Variants in DOCK10 observed in about 807,000 individuals in gnomAD.
DOCK10 encodes dedicator of cytokinesis protein 10.
In DOCK10, 145 loss-of-function variants were observed where a neutral mutation model predicts 280.1. The observed-to-expected ratio is 0.52, with a 90% CI of 0.45 to 0.59. The LOEUF is 0.59. Ranked by LOEUF, DOCK10 falls within the 20% of genes least tolerant of loss-of-function variation. The probability of loss-of-function intolerance (pLI) is 0.00; values close to 1 mark genes in which losing one functional copy is unlikely to be tolerated. For synonymous variants in DOCK10, 915 were observed against 942.2 expected (o/e 0.97, Z 0.53); for missense variants, 2,368 against 2,651.7 (o/e 0.89, Z 2.35).
chr2:224,953,647 C>T (rs978044389), intron 1 of DOCK10, among the ~76,000 whole-genome samples: 17 of 152,236 alleles, frequency 1.1e-4, no homozygotes, highest in African/African-American at 3.4e-4. Flanking sequence ...TATTTCTAAA[C>T]GTACAGTTTT....
At chr2:224,827,999 A>C (rs566747757) in intron 27 of DOCK10, among the ~76,000 whole-genome samples, 84 of 152,196 alleles carry the variant, frequency 5.5e-4, no homozygotes, top group African/African-American at 2.0e-3. Context: ...CCTCCCTATT[A>C]AGTGTCAGCA....
chr2:225,019,206 C>G (rs1689718429), intron 1 of DOCK10, among the ~76,000 whole-genome samples: 1 of 151,978 alleles, frequency 6.6e-6, no homozygotes, highest in African/African-American at 2.4e-5. Flanking sequence ...CTGTGCGTAG[C>G]CCCCCACATC....
rs568231768 is a variant in DOCK10 at position 224,830,577 on chromosome 2, C to T, written c.3000G>A (p.Ser1000=). 1.8e-5 allele frequency: 28 copies of T among 1,533,240 alleles called. No individual in the cohort carries two copies. Among genetic ancestry groups the T allele is most frequent in the Middle Eastern group, 1.7e-4 (1 of 5,790 alleles). 95.0% of individuals were successfully genotyped at this position (1,533,240 alleles called of 1,614,324 possible). The change falls in exon 27 of 56, where the codon TCG becomes TCA. Residue 1000 remains serine, a synonymous_variant. Coordinates refer to ENST00000258390, the MANE Select transcript of DOCK10 (RefSeq NM_014689.3). ...SWFFFAIILK[S]MAQHLIDTNK... is the part of the protein sequence containing the mutation. The stretch of plus-strand genomic sequence containing the variant: ...TTGTGTCAATCAAGTGCTGTGCCAT[C>T]GATTTTAGGATAATTGCAAAGAAGA...
At chr2:224,882,418 G>C (rs1044564141) in intron 7 of DOCK10, among the ~76,000 whole-genome samples, 2 of 152,098 alleles carry the variant, frequency 1.3e-5, no homozygotes, top group Non-Finnish European at 2.9e-5. Flanking sequence ...GTTTTGTTTT[G>C]TGTTTTTTTT....
At chr2:224,932,911 A>C (rs1301647206) in intron 1 of DOCK10, among the ~76,000 whole-genome samples, 1 of 152,188 alleles carries the variant, frequency 6.6e-6, no homozygotes, top group African/African-American at 2.4e-5. Context: ...CAAATATAAA[A>C]AATAAAACAA....
At chr2:224,981,421 G>A (rs1158557063) in intron 1 of DOCK10, among the ~76,000 whole-genome samples, 4 of 151,998 alleles carry the variant, frequency 2.6e-5, no homozygotes, top group East Asian at 1.9e-4. Context: ...GAAAAAAGTC[G>A]ATTATGCTGA....
At chr2:224,879,717 C>T (rs2125714615) in intron 7 of DOCK10, among the ~76,000 whole-genome samples, 1 of 151,940 alleles carries the variant, frequency 6.6e-6, no homozygotes, top group East Asian at 1.9e-4. Flanking sequence ...GAAATTGCAC[C>T]ACTGCACTCC....
chr2:224,896,301 A>G lies in DOCK10; in HGVS notation c.410T>C (p.Leu137Pro). ...YEQYSGDIRQ[L>P]PRAEYKPEKL... ...GCTCATAACAGGTTCTTACCGGGGT[A>G]GCTGTCGAATGTCTCCAGAATATTG... Residue 137 changes from leucine to proline, a missense_variant, in exon 4 of 56, where the codon CTA becomes CCA. Coordinates refer to ENST00000258390, the MANE Select transcript of DOCK10 (RefSeq NM_014689.3). 6.3e-7 allele frequency: 1 copy of G among 1,590,654 alleles called. No homozygotes were observed. The highest frequency in any genetic ancestry group is 1.3e-5 in the African/African-American group (1 of 74,340).
chr2:224,892,446 G>GAAAAGAAAAGAAAAGAA (rs1458963328), intron 4 of DOCK10, among the ~76,000 whole-genome samples: 6 of 135,322 alleles, frequency 4.4e-5, no homozygotes, highest in South Asian at 2.5e-4. Flanking sequence ...GAAAAGAAAA[G>GAAAAGAAAAGAAAAGAA]AAAAAAATCG....
rs184987292 is a variant in DOCK10 at position 224,856,688 on chromosome 2, T to G, written c.1808+172A>C. Among the ~76,000 whole-genome samples, 22 of 152,354 alleles carry G rather than the reference T, an allele frequency of 1.4e-4. No individual in the cohort carries two copies. The East Asian group carries it at 4.2e-3, about 29-fold the overall frequency. On this transcript the variant is annotated intron_variant, in intron 15 of 55. Coordinates refer to ENST00000258390, the MANE Select transcript of DOCK10 (RefSeq NM_014689.3). Reference sequence around the variant, plus strand: ...ACATTTCACAGTCCTTCCATATAATTCTAGCAATTTTTACTTTTGTGGTGC... The same window carrying G: ...ACATTTCACAGTCCTTCCATATAATGCTAGCAATTTTTACTTTTGTGGTGC...
intron 51 of DOCK10, 96 bp from the exon 52 acceptor site, chr2:224,775,211 T>A: frequency 1.8e-6 from 2 of 1,118,936 alleles, no homozygotes; most frequent in South Asian, 2.7e-5. Context: ...CAGAGGAGGC[T>A]GTGCCTCTCC....
intron 2 of DOCK10, among the ~76,000 whole-genome samples, chr2:224,917,263 C>T (rs2125941394): frequency 6.6e-6 from 1 of 151,760 alleles, no homozygotes; most frequent in South Asian, 2.1e-4. Flanking sequence ...CCACCACCAC[C>T]CCCAGCTAAT....
intron 46 of DOCK10, 52 bp downstream of exon 46, chr2:224,793,348 C>T: frequency 7.2e-7 from 1 of 1,390,148 alleles, no homozygotes; most frequent in African/African-American, 1.4e-5. Context: ...TTCTATTAGG[C>T]TTCAATGTGT....
chr2:224,986,304 G>T (rs1339153149), intron 1 of DOCK10, among the ~76,000 whole-genome samples: 1 of 152,122 alleles, frequency 6.6e-6, no homozygotes, highest in Non-Finnish European at 1.5e-5. Context: ...AGGGCTTTTT[G>T]GATATCCCTG....
At chr2:225,010,665 A>G (rs1238280577) in intron 1 of DOCK10, 1 of 154,236 alleles carries the variant, frequency 6.5e-6, no homozygotes, top group Non-Finnish European at 1.5e-5. Flanking sequence ...CAGTTCATAC[A>G]ATTTTGGGGG....
chr2:224,908,476 G>A (rs1700810088), intron 3 of DOCK10, among the ~76,000 whole-genome samples: 1 of 151,138 alleles, frequency 6.6e-6, no homozygotes, highest in African/African-American at 2.4e-5. Flanking sequence ...TGGCTGTAGA[G>A]ATAAGTATTT....
intron 3 of DOCK10, among the ~76,000 whole-genome samples, chr2:224,902,643 G>A (rs1173339721): frequency 1.3e-5 from 2 of 152,042 alleles, no homozygotes; most frequent in Non-Finnish European, 2.9e-5. Context: ...TGCAAACCAG[G>A]ATGTGTGGGT....
chr2:224,855,038 C>A lies in DOCK10; in HGVS notation c.1813G>T (p.Asp605Tyr). The A allele has an allele frequency of 1.9e-6, 3 of 1,588,432 alleles. No homozygotes were observed. The highest frequency in any genetic ancestry group is 1.1e-5 in the South Asian group (1 of 88,728). ...ATGGTCTGCATTTTGCTTATTCTGT[C>A]GGCCCTGTAAGAGTGCATGAGCAAG... ...VKLVSDYRRA[D>Y]RISKMQTIPG... Residue 605 changes from aspartate (D) to tyrosine (Y), a missense_variant, in exon 16 of 56, where the codon GAC becomes TAC. By Grantham distance (160) the Asp-to-Tyr change is radical. This residue lies in a region of DOCK10 where 1,209 missense variants were observed against 1,250.9 expected (regional missense o/e 0.97). Transcript: ENST00000258390.
rs760667324 is a variant in DOCK10 at position 224,789,058 on chromosome 2, T to C, written c.5418+6A>G. On this transcript the variant is annotated splice_donor_region_variant and intron_variant, in intron 48 of 55. Coordinates refer to ENST00000258390, the MANE Select transcript of DOCK10 (RefSeq NM_014689.3). Reference sequence around the variant, plus strand: ...GTTACTGTACATGAGATAATTTTGGTCTAACCTCATTGTATGGTGTATCTT... The same window carrying C: ...GTTACTGTACATGAGATAATTTTGGCCTAACCTCATTGTATGGTGTATCTT... 11 of 1,597,520 alleles carry C rather than the reference T, an allele frequency of 6.9e-6. No homozygotes were observed. Among genetic ancestry groups the C allele is most frequent in the Non-Finnish European group, 9.4e-6 (11 of 1,165,692 alleles).
Sources: gnomAD v4.1 joint callset for allele counts (sites outside exome capture counted in the v4.1 genomes callset) on GRCh38, gnomAD v4.1.1 for gene constraint, gnomAD v4.1.1 regional missense constraint, MANE v1.5 for transcripts, NCBI Gene and HGNC (gene_info 2026-07-23, HGNC 2026-07-21) for gene names.